Variants in MYO1B observed in about 807,000 individuals in gnomAD.
MYO1B encodes myosin IB.
Under a neutral mutation model 159.7 loss-of-function variants are expected in MYO1B, and 72 were observed. That is an observed-to-expected ratio of 0.45 (90% CI 0.37 to 0.55). The LOEUF is 0.55. MYO1B is among the 20% of genes least tolerant of loss of function. The pLI is 0.00. For missense variants in MYO1B, 1,062 were observed against 1,364.8 expected (o/e 0.78, Z 3.50); for synonymous variants, 468 against 473.8 (o/e 0.99, Z 0.16).
intron 9 of MYO1B, among the ~76,000 whole-genome samples, chr2:191,362,937 A>G (rs547632863): frequency 1.3e-5 from 2 of 152,322 alleles, no homozygotes; most frequent in Admixed American, 6.5e-5. Context: ...AGTAGGATGA[A>G]TTATAGATAA....
intron 3 of MYO1B, among the ~76,000 whole-genome samples, chr2:191,304,463 G>A (rs1484406287): frequency 2.6e-5 from 4 of 152,066 alleles, no homozygotes; most frequent in Admixed American, 6.5e-5. Context: ...CCAGCTACTC[G>A]GGGGGCTGAG....
intron 27 of MYO1B, among the ~76,000 whole-genome samples, chr2:191,411,415 C>G (rs1697241001): frequency 6.6e-6 from 1 of 152,130 alleles, no homozygotes; most frequent in Non-Finnish European, 1.5e-5. Context: ...AAACACTTTA[C>G]TAAATAATTA....
In MYO1B at chr2:191,372,879, C is replaced by CTTTTTT. The variant is rs34444520; in HGVS notation, c.1185+2608_1185+2613dup. ...TATGAAAATGCCTGCGTTATATTTCCTTTTTTTTTTTTTTTTTTTTTTTTT... is the reference window on the plus strand; with the variant it reads ...TATGAAAATGCCTGCGTTATATTTCCTTTTTTTTTTTTTTTTTTTTTTTTTTTTTTT... On this transcript the variant is annotated intron_variant, in intron 13 of 30. Coordinates refer to ENST00000392318, the MANE Select transcript of MYO1B (RefSeq NM_001130158.3). 4.7e-4 allele frequency among the ~76,000 whole-genome samples: 33 copies of CTTTTTT among 70,148 alleles called. 2 individuals carry two copies. In the Admixed American group the frequency reaches 5.1e-3, roughly 11 times the overall value. The allele number at this position is 70,148 out of a possible 152,430, so 46.0% of individuals were successfully genotyped here. A position where few individuals can be genotyped will look rare whatever the true frequency, so the allele number is the denominator to read the frequency against.
chr2:191,326,003 T>A (rs1309892964), intron 3 of MYO1B, among the ~76,000 whole-genome samples: 1 of 152,200 alleles, frequency 6.6e-6, no homozygotes, highest in African/African-American at 2.4e-5. Context: ...GGGCTGACCC[T>A]ATTCTTAGAG....
intron 7 of MYO1B, among the ~76,000 whole-genome samples, chr2:191,356,148 T>C (rs1328243047): frequency 6.6e-6 from 1 of 152,156 alleles, no homozygotes; most frequent in Admixed American, 6.5e-5. Flanking sequence ...CCTAAAGGAA[T>C]CTCTGATCAG....
intron 23 of MYO1B, chr2:191,401,703 C>CTTTA (rs1422317072): frequency 6.6e-6 from 1 of 152,208 alleles, no homozygotes; most frequent in Non-Finnish European, 1.5e-5. Flanking sequence ...CATCTGCCTG[C>CTTTA]ATAAAGAGCT....
Position 191,341,452 on chromosome 2 carries a change from C to T in MYO1B, c.347-9C>T, listed in dbSNP as rs767858300. 6.2e-7 allele frequency: 1 copy of T among 1,609,458 alleles called. No homozygotes were observed. The highest frequency in any genetic ancestry group is 8.5e-7 in the Non-Finnish European group (1 of 1,177,784). On this transcript the variant is annotated splice_polypyrimidine_tract_variant and intron_variant, in intron 4 of 30. Coordinates refer to ENST00000392318, the MANE Select transcript of MYO1B (RefSeq NM_001130158.3). ...GTTATTGATTAATATGGCTTATTTT[C>T]ATCCACAGAGGCCAGTAAGCTTGTC...
rs557404362 is a variant in MYO1B at position 191,312,602 on chromosome 2, A to G, written c.251+16376A>G. Among the ~76,000 whole-genome samples, 17 of 152,358 alleles carry G rather than the reference A, an allele frequency of 1.1e-4. No individual in the cohort carries two copies. In the South Asian group the frequency reaches 2.9e-3, roughly 26 times the overall value. On this transcript the variant is annotated intron_variant, in intron 3 of 30. Transcript: ENST00000392318. The stretch of plus-strand genomic sequence containing the variant: ...AGCATCTTTGGAAGAGGGACTATAC[A>G]TGGATACTTTGTTGCTTCAAGATCA...
At chr2:191,313,055 A>G (rs2125866927) in intron 3 of MYO1B, among the ~76,000 whole-genome samples, 1 of 152,230 alleles carries the variant, frequency 6.6e-6, no homozygotes, top group Middle Eastern at 3.4e-3. Flanking sequence ...CTCAAGGCAT[A>G]ACACAACAAA....
Position 191,409,106 on chromosome 2 carries a change from T to C in MYO1B, c.2694T>C (p.Asn898=). 3.1e-6 allele frequency: 5 copies of C among 1,613,556 alleles called. No homozygotes were observed. Among genetic ancestry groups the C allele is most frequent in the East Asian group, 4.5e-5 (2 of 44,854 alleles). The change falls in exon 26 of 31, where the codon AAT becomes AAC. Residue 898 remains asparagine (N), a synonymous_variant. Transcript: ENST00000392318. ...KMPSLSPIDK[N]WPSRPYLFLD... is the part of the protein sequence containing the mutation. ...CTTCCTTATCTCCAATAGACAAGAA[T>C]TGGCCCTCAAGACCTTACTTATTCT...
chr2:191,268,075 A>G lies in MYO1B; in HGVS notation c.-9-8812A>G, dbSNP rs146021557. Among the ~76,000 whole-genome samples, 68 of 152,344 alleles carry G rather than the reference A, an allele frequency of 4.5e-4. No homozygotes were observed. In the Middle Eastern group the frequency reaches 0.01, roughly 23 times the overall value. On this transcript the variant is annotated intron_variant, in intron 1 of 30. Coordinates refer to ENST00000392318, the MANE Select transcript of MYO1B (RefSeq NM_001130158.3). ...AACCTCCCTTCTCCAGGGGAAGAGC[A>G]GACAAACAAACTCACAATTGTGAGG...
intron 3 of MYO1B, among the ~76,000 whole-genome samples, chr2:191,301,552 T>G (rs1208522963): frequency 1.3e-5 from 2 of 152,226 alleles, no homozygotes; most frequent in Non-Finnish European, 2.9e-5. Flanking sequence ...AAGAGAAAGG[T>G]AAAATTTCCT....
chr2:191,354,934 A>G (rs1251270832), intron 7 of MYO1B, among the ~76,000 whole-genome samples: 2 of 152,254 alleles, frequency 1.3e-5, no homozygotes, highest in African/African-American at 4.8e-5. Context: ...CAGAAATGGC[A>G]CAATAATTTC....
intron 23 of MYO1B, 75 bp downstream of exon 23, chr2:191,400,910 G>A: frequency 7.2e-7 from 1 of 1,382,606 alleles, no homozygotes; most frequent in Non-Finnish European, 1.0e-6. Context: ...GCCTATTAGG[G>A]GATGAATGAC....
chr2:191,382,425 T>G (rs1695096636), intron 14 of MYO1B, among the ~76,000 whole-genome samples: 1 of 152,196 alleles, frequency 6.6e-6, no homozygotes. Context: ...TTTAGAGTAC[T>G]CATTATGCTT....
intron 2 of MYO1B, among the ~76,000 whole-genome samples, chr2:191,277,959 T>G (rs879689973): frequency 6.6e-6 from 1 of 152,194 alleles, no homozygotes; most frequent in African/African-American, 2.4e-5. Context: ...ATAAAAGAGA[T>G]AATACAGTGA....
At chr2:191,365,751 C>A (rs1010111560) in intron 11 of MYO1B, among the ~76,000 whole-genome samples, 2 of 152,086 alleles carry the variant, frequency 1.3e-5, no homozygotes, top group Non-Finnish European at 1.5e-5. Context: ...AAAAAGAAAA[C>A]ATTGAGAAAA....
At chr2:191,331,853 C>T (rs927805142) in intron 4 of MYO1B, among the ~76,000 whole-genome samples, 4 of 152,228 alleles carry the variant, frequency 2.6e-5, no homozygotes, top group Non-Finnish European at 4.4e-5. Context: ...CTCTCATTAT[C>T]TTGGTCCTGT....
intron 13 of MYO1B, among the ~76,000 whole-genome samples, chr2:191,376,958 A>C (rs537683380): frequency 6.6e-6 from 1 of 152,212 alleles, no homozygotes; most frequent in South Asian, 2.1e-4. Flanking sequence ...TATATTGGAG[A>C]GTTTATGATT....
Sources: gnomAD v4.1 joint callset for allele counts (sites outside exome capture counted in the v4.1 genomes callset) on GRCh38, gnomAD v4.1.1 for gene constraint, MANE v1.5 for transcripts, NCBI Gene and HGNC (gene_info 2026-07-23, HGNC 2026-07-21) for gene names.